MPPED2: variants seen among roughly 807,000 people sequenced by gnomAD.
MPPED2 encodes metallophosphoesterase domain containing 2, also known as metallophosphoesterase MPPED2.
In MPPED2, 5 loss-of-function variants were observed where a neutral mutation model predicts 33.0. That is an observed-to-expected ratio of 0.15 (90% CI 0.08 to 0.32). The LOEUF (loss-of-function observed/expected upper bound fraction) is 0.32. Ranked by LOEUF, MPPED2 falls within the 10% of genes least tolerant of loss-of-function variation. The probability of loss-of-function intolerance (pLI) is 1.00; values close to 1 mark genes in which losing one functional copy is unlikely to be tolerated. For missense variants in MPPED2, 275 were observed against 372.1 expected, an observed-to-expected ratio of 0.74 and a Z score of 2.15; for synonymous variants, 136 against 141.9, an observed-to-expected ratio of 0.96 and a Z score of 0.29.
At chr11:30,584,031 CG>C (rs1450176887) in intron 1 of MPPED2, 3 of 152,230 alleles carry the variant, frequency 2.0e-5, no homozygotes, top group Non-Finnish European at 4.4e-5. Flanking sequence ...CACGCCTTCC[CG>C]GCGGGCTTCT....
intron 6 of MPPED2, among the ~76,000 whole-genome samples, chr11:30,413,198 C>A (rs1565042451): frequency 6.6e-6 from 1 of 152,234 alleles, no homozygotes. Context: ...AACCAGGAAG[C>A]CACTGAATTT....
chr11:30,581,386 T>C (rs1017118515), intron 1 of MPPED2, among the ~76,000 whole-genome samples: 1 of 152,188 alleles, frequency 6.6e-6, no homozygotes, highest in Non-Finnish European at 1.5e-5. Context: ...GGTTGAGAAA[T>C]GAAGATGTCT....
At chr11:30,502,844 C>T (rs373661666) in intron 3 of MPPED2, among the ~76,000 whole-genome samples, 73 of 152,284 alleles carry the variant, frequency 4.8e-4, no homozygotes, top group African/African-American at 1.7e-3. Flanking sequence ...TGCCCCTCTC[C>T]CTCAATACAA....
chr11:30,525,068 C>G, intron 3 of MPPED2, among the ~76,000 whole-genome samples: 1 of 152,148 alleles, frequency 6.6e-6, no homozygotes, highest in Non-Finnish European at 1.5e-5. Context: ...GCCCCCAGTC[C>G]TAGGCCTCCC....
At chr11:30,509,352 A>G (rs569940890) in intron 3 of MPPED2, among the ~76,000 whole-genome samples, 7 of 152,348 alleles carry the variant, frequency 4.6e-5, no homozygotes, top group Non-Finnish European at 8.8e-5. Flanking sequence ...TTATTGCTGC[A>G]TGGTTGACAC....
chr11:30,408,285 G>A (rs1184121055), downstream of MPPED2, among the ~76,000 whole-genome samples: 1 of 152,164 alleles, frequency 6.6e-6, no homozygotes, highest in African/African-American at 2.4e-5. Flanking sequence ...GCTACTTGAG[G>A]GATAGGATAT....
chr11:30,499,856 T>TTTTTG (rs754681345), intron 3 of MPPED2, among the ~76,000 whole-genome samples: 20 of 152,274 alleles, frequency 1.3e-4, no homozygotes, highest in Middle Eastern at 3.4e-3. Context: ...GTTTGTTTGT[T>TTTTTG]TTTTGTTTTG....
At chr11:30,564,969 T>A (rs1169141018) in intron 2 of MPPED2, among the ~76,000 whole-genome samples, 2 of 152,058 alleles carry the variant, frequency 1.3e-5, no homozygotes, top group Non-Finnish European at 2.9e-5. Flanking sequence ...CTCCAATTCA[T>A]CAAAAATGTA....
intron 4 of MPPED2, among the ~76,000 whole-genome samples, chr11:30,427,986 C>T (rs1044165770): frequency 1.3e-5 from 2 of 152,152 alleles, no homozygotes; most frequent in Non-Finnish European, 2.9e-5. Context: ...AAGGTGGTTT[C>T]TTCCCTAGCT....
At chr11:30,415,580 T>A (rs767225958) in intron 5 of MPPED2, among the ~76,000 whole-genome samples, 3 of 152,188 alleles carry the variant, frequency 2.0e-5, no homozygotes, top group Non-Finnish European at 2.9e-5. Flanking sequence ...AATAGCTATA[T>A]TAACTAAGGT....
chr11:30,398,098 T>C (rs1402109541), intron 6 of MPPED2, among the ~76,000 whole-genome samples: 1 of 152,140 alleles, frequency 6.6e-6, no homozygotes, highest in Non-Finnish European at 1.5e-5. Flanking sequence ...GTACTAATGA[T>C]TCCTATCAGT....
intron 3 of MPPED2, among the ~76,000 whole-genome samples, chr11:30,531,883 T>C (rs1954545736): frequency 6.6e-6 from 1 of 152,214 alleles, no homozygotes; most frequent in African/African-American, 2.4e-5. Flanking sequence ...GAGGCAGTTA[T>C]TCGAAGAACC....
intron 4 of MPPED2, among the ~76,000 whole-genome samples, chr11:30,453,820 G>T (rs138076911): frequency 6.6e-6 from 1 of 152,204 alleles, no homozygotes; most frequent in African/African-American, 2.4e-5. Context: ...AGGCTGGCCA[G>T]GAATCTCAGA....
At chr11:30,454,246 A>T (rs527736327) in intron 4 of MPPED2, among the ~76,000 whole-genome samples, 1 of 152,306 alleles carries the variant, frequency 6.6e-6, no homozygotes, top group South Asian at 2.1e-4. Flanking sequence ...TCTAAGCCTC[A>T]TTTAACTAGT....
At chr11:30,584,751 C>T (rs1444589538) in intron 1 of MPPED2, 2 of 152,516 alleles carry the variant, frequency 1.3e-5, no homozygotes, top group East Asian at 1.9e-4. Context: ...CCGCCTCCTC[C>T]CTGCTCTACG....
chr11:30,498,971 T>C (rs1422445381), intron 3 of MPPED2, among the ~76,000 whole-genome samples: 1 of 152,180 alleles, frequency 6.6e-6, no homozygotes, highest in African/African-American at 2.4e-5. Flanking sequence ...CTATTCTGTA[T>C]CTTCTGCACT....
At chr11:30,386,758 G>T in exon 7 of MPPED2, 1 of 398,430 alleles carries the variant, frequency 2.5e-6, no homozygotes, top group Non-Finnish European at 4.4e-6. Context: ...AAACCCTCCT[G>T]ATTATGCTGG....
At chr11:30,461,139 A>G (rs960899159) in intron 4 of MPPED2, among the ~76,000 whole-genome samples, 1 of 152,240 alleles carries the variant, frequency 6.6e-6, no homozygotes, top group East Asian at 1.9e-4. Context: ...AATGATTTCC[A>G]TTTATATGAG....
downstream of MPPED2, among the ~76,000 whole-genome samples, chr11:30,406,927 G>A (rs1947999150): frequency 6.6e-6 from 1 of 152,202 alleles, no homozygotes; most frequent in Non-Finnish European, 1.5e-5. Context: ...AATAGAGCAT[G>A]AAAAGAGACT....
Sources: gnomAD v4.1 joint callset for allele counts (sites outside exome capture counted in the v4.1 genomes callset) on GRCh38, gnomAD v4.1.1 for gene constraint, MANE v1.5 for transcripts, NCBI Gene and HGNC (gene_info 2026-07-23, HGNC 2026-07-21) for gene names.